The following ERBB4 variants were observed in gnomAD, a reference collection of about 807,000 sequenced individuals.
ERBB4 encodes erb-b2 receptor tyrosine kinase 4.
Under a neutral mutation model 158.0 loss-of-function variants are expected in ERBB4, and 42 were observed. The ratio of observed to expected loss-of-function variants is 0.27; its 90% CI spans 0.21 to 0.34. The LOEUF (loss-of-function observed/expected upper bound fraction) is 0.34, where lower values mean the gene tolerates loss of function less well. Ranked by LOEUF, ERBB4 falls within the 10% of genes least tolerant of loss-of-function variation. The pLI is 1.00. For missense variants in ERBB4, 1,333 were observed against 1,624.1 expected (o/e 0.82, Z 3.08); for synonymous variants, 583 against 558.7 (o/e 1.04, Z -0.61).
At chr2:211,517,341 T>A (rs974596769) in intron 20 of ERBB4, among the ~76,000 whole-genome samples, 9 of 152,124 alleles carry the variant, frequency 5.9e-5, no homozygotes, top group African/African-American at 1.9e-4. Context: ...ATCTTTGAAA[T>A]ATCTGTGAAA....
At chr2:212,401,430 G>A (rs980079266) in intron 1 of ERBB4, among the ~76,000 whole-genome samples, 5 of 151,984 alleles carry the variant, frequency 3.3e-5, no homozygotes, top group African/African-American at 1.2e-4. Flanking sequence ...TACAAAAGCT[G>A]GTTTGAAAGC....
In ERBB4 at chr2:211,453,565, A is replaced by G. The variant is rs191829104; in HGVS notation, c.2488-22465T>C. ...CAATGTGCTTTTGACTACATGCACT[A>G]GACATATTTTCAAATGAAAATCTCT... On this transcript the variant is annotated intron_variant, in intron 20 of 27. Transcript: ENST00000342788. Among the ~76,000 whole-genome samples the G allele has an allele frequency of 1.4e-4, 21 of 152,324 alleles. No homozygotes were observed. The East Asian group carries it at 3.3e-3, about 24-fold the overall frequency.
At chr2:211,931,535 C>T (rs1019396313) in intron 3 of ERBB4, among the ~76,000 whole-genome samples, 1 of 150,892 alleles carries the variant, frequency 6.6e-6, no homozygotes, top group Non-Finnish European at 1.5e-5. Context: ...AACTTGAGGA[C>T]TAAGAAAATG....
intron 26 of ERBB4, among the ~76,000 whole-genome samples, chr2:211,387,394 T>C (rs1255101275): frequency 2.0e-5 from 3 of 152,164 alleles, no homozygotes; most frequent in Non-Finnish European, 4.4e-5. Flanking sequence ...ATTAACCAAC[T>C]GAAACATATT....
chr2:211,995,894 G>A (rs2082190774), intron 2 of ERBB4, among the ~76,000 whole-genome samples: 1 of 152,060 alleles, frequency 6.6e-6, no homozygotes, highest in Non-Finnish European at 1.5e-5. Flanking sequence ...GGATTTAATG[G>A]ATACTGTTGA....
In ERBB4 at chr2:211,557,491, C is replaced by G. The variant is rs923489589; in HGVS notation, c.2487+4412G>C. On this transcript the variant is annotated intron_variant, in intron 20 of 27. Coordinates refer to ENST00000342788, the MANE Select transcript of ERBB4 (RefSeq NM_005235.3). ...CACTTTTCAAAAGAAGTCGTACACGCAACCAGCAAGCATATGAAAAAAAGC... is the reference window on the plus strand; with the variant it reads ...CACTTTTCAAAAGAAGTCGTACACGGAACCAGCAAGCATATGAAAAAAAGC... 2.6e-5 allele frequency among the ~76,000 whole-genome samples: 4 copies of G among 152,004 alleles called. No individual in the cohort carries two copies. The South Asian group carries it at 6.2e-4, about 24-fold the overall frequency.
At chr2:211,439,541 A>G (rs1159531279) in intron 20 of ERBB4, among the ~76,000 whole-genome samples, 1 of 152,194 alleles carries the variant, frequency 6.6e-6, no homozygotes, top group Non-Finnish European at 1.5e-5. Context: ...ATGGTCATAT[A>G]GCATAATGGT....
intron 6 of ERBB4, among the ~76,000 whole-genome samples, chr2:211,724,343 T>A (rs1446961032): frequency 6.7e-6 from 1 of 148,798 alleles, no homozygotes; most frequent in Non-Finnish European, 1.5e-5. Flanking sequence ...GAATTAAGTG[T>A]CTTTCTTTTT....
chr2:211,438,789 A>G (rs2063910371), intron 20 of ERBB4, among the ~76,000 whole-genome samples: 1 of 152,086 alleles, frequency 6.6e-6, no homozygotes, highest in African/African-American at 2.4e-5. Flanking sequence ...GCAGGGAGTT[A>G]ACACTCATGG....
intron 12 of ERBB4, among the ~76,000 whole-genome samples, chr2:211,684,475 A>C (rs751880542): frequency 3.3e-5 from 5 of 152,054 alleles, no homozygotes; most frequent in Non-Finnish European, 7.4e-5. Flanking sequence ...AAAAGAAAAG[A>C]AAAGAAAAGA....
At chr2:212,048,686 T>C (rs532459036) in intron 2 of ERBB4, among the ~76,000 whole-genome samples, 5 of 152,262 alleles carry the variant, frequency 3.3e-5, no homozygotes, top group African/African-American at 1.2e-4. Flanking sequence ...ATCCATATTC[T>C]ACATCAAAGT....
chr2:211,712,849 C>T (rs536760843), intron 8 of ERBB4, among the ~76,000 whole-genome samples: 4 of 152,038 alleles, frequency 2.6e-5, no homozygotes, highest in South Asian at 4.1e-4. Context: ...AAAACATCAT[C>T]TAAAAGTAAG....
At chr2:211,712,222 T>C (rs778631508) in intron 8 of ERBB4, 46 bp from the exon 9 acceptor site, 8 of 1,604,332 alleles carry the variant, frequency 5.0e-6, no homozygotes, top group Non-Finnish European at 6.8e-6. Context: ...AACTTATTTT[T>C]GGCCAATAAA....
At chr2:211,771,412 A>G (rs1038721996) in intron 4 of ERBB4, among the ~76,000 whole-genome samples, 1 of 152,222 alleles carries the variant, frequency 6.6e-6, no homozygotes, top group African/African-American at 2.4e-5. Context: ...TAAGAGCTAG[A>G]GCAGTAAGCT....
In ERBB4 at chr2:211,975,674, T is replaced by C. The variant is rs558716880; in HGVS notation, c.235-28058A>G. On this transcript the variant is annotated intron_variant, in intron 2 of 27. Coordinates refer to ENST00000342788, the MANE Select transcript of ERBB4 (RefSeq NM_005235.3). ...TTGGCAATTTATCAATATTAGAATGTCTTACCTGAGAATTTATGCCTCATT... is the reference window on the plus strand; with the variant it reads ...TTGGCAATTTATCAATATTAGAATGCCTTACCTGAGAATTTATGCCTCATT... Among the ~76,000 whole-genome samples the C allele has an allele frequency of 2.0e-5, 3 of 152,296 alleles. No individual in the cohort carries two copies. The East Asian group carries it at 5.8e-4, about 29-fold the overall frequency.
chr2:211,454,083 GTA>G (rs976093139), intron 20 of ERBB4, among the ~76,000 whole-genome samples: 12 of 152,164 alleles, frequency 7.9e-5, no homozygotes, highest in African/African-American at 2.4e-4. Context: ...TAATTGTACT[GTA>G]TAGATTCCCT....
chr2:211,889,094 C>A (rs1239495912), intron 3 of ERBB4, among the ~76,000 whole-genome samples: 1 of 142,132 alleles, frequency 7.0e-6, no homozygotes, highest in Non-Finnish European at 1.5e-5. Flanking sequence ...CCTCTGGGGG[C>A]AGGGCACAGA....
chr2:211,641,466 T>C (rs1053940999), intron 16 of ERBB4, among the ~76,000 whole-genome samples: 2 of 152,262 alleles, frequency 1.3e-5, no homozygotes, highest in African/African-American at 4.8e-5. Context: ...CTATTTGCCT[T>C]GGGTAACACA....
chr2:212,011,771 A>G (rs2076393939), intron 2 of ERBB4, among the ~76,000 whole-genome samples: 1 of 151,680 alleles, frequency 6.6e-6, no homozygotes, highest in Non-Finnish European at 1.5e-5. Context: ...AAAAAAAAGC[A>G]TTTCACAGGT....
Sources: gnomAD v4.1 joint callset for allele counts (sites outside exome capture counted in the v4.1 genomes callset) on GRCh38, gnomAD v4.1.1 for gene constraint, MANE v1.5 for transcripts, NCBI Gene and HGNC (gene_info 2026-07-23, HGNC 2026-07-21) for gene names.